TRIM68: variants seen among roughly 807,000 people sequenced by gnomAD.
TRIM68 encodes the protein E3 ubiquitin-protein ligase TRIM68.
Under a neutral mutation model 41.9 loss-of-function variants are expected in TRIM68, and 36 were observed. That is an observed-to-expected ratio of 0.86 (90% CI 0.66 to 1.14). The LOEUF is 1.14. Among genes scored for constraint, TRIM68 ranks in the 50% most tolerant of loss-of-function variants. TRIM68 has a pLI of 0.00. For synonymous variants in TRIM68, 225 were observed against 224.6 expected (o/e 1.00, Z -0.02); for missense variants, 632 against 605.1 (o/e 1.04, Z -0.47).
chr11:4,604,115 C>A (rs142000471), intron 2 of TRIM68, among the ~76,000 whole-genome samples: 550 of 152,260 alleles, frequency 3.6e-3, no homozygotes, highest in African/African-American at 0.013. Flanking sequence ...GCCCTTTACC[C>A]CTATGTTATA....
chr11:4,601,414 T>G, intron 5 of TRIM68: 1 of 593,528 alleles, frequency 1.7e-6, no homozygotes, highest in South Asian at 2.1e-5. Context: ...TCTTTTATCC[T>G]CTTTGAGCAA....
intron 1 of TRIM68, 93 bp from the exon 2 acceptor site, chr11:4,605,654 C>T (rs1182827933): frequency 1.2e-6 from 1 of 806,378 alleles, no homozygotes; most frequent in African/African-American, 1.7e-5. Context: ...GGGGGAAAAC[C>T]ACCTTCCTTT....
chr11:4,605,209 T>C lies in TRIM68; in HGVS notation c.296A>G (p.Glu99Gly), dbSNP rs367992113. ...PGMGLKGDLC[E>G]RHGEKLKMFC... Reference sequence around the variant, plus strand: ...CATCTTCAGCTTTTCCCCATGGCGCTCACACAGGTCACCCTTCAGCCCCAT... The same window carrying C: ...CATCTTCAGCTTTTCCCCATGGCGCCCACACAGGTCACCCTTCAGCCCCAT... Residue 99 changes from glutamate (E) to glycine (G), a missense_variant, in exon 2 of 7, where the codon GAG (glutamate) becomes GGG (glycine). Glu to Gly is a moderately conservative substitution (Grantham distance 98). Coordinates refer to ENST00000300747, the MANE Select transcript of TRIM68 (RefSeq NM_018073.8). 6.2e-7 allele frequency: 1 copy of C among 1,614,118 alleles called. No individual in the cohort carries two copies.
Position 4,605,315 on chromosome 11 carries a change from C to A in TRIM68, c.190G>T (p.Val64Phe). The part of the protein sequence containing the change: ...GYTCPLCRAP[V>F]QPRNLRPNWQ... Reference sequence around the variant, plus strand: ...TTAGGCCGCAGGTTCCTTGGCTGGACAGGAGCTCGACAGAGGGGACAGGTG... The same window carrying A: ...TTAGGCCGCAGGTTCCTTGGCTGGAAAGGAGCTCGACAGAGGGGACAGGTG... The change falls in exon 2 of 7, where the codon GTC (valine) becomes TTC (phenylalanine). Residue 64 changes from valine to phenylalanine, a missense_variant. By Grantham distance (50) the Val-to-Phe change is conservative. Transcript: ENST00000300747. The A allele has an allele frequency of 6.2e-7, 1 of 1,614,246 alleles. No homozygotes were observed. Among genetic ancestry groups the A allele is most frequent in the Non-Finnish European group, 8.5e-7 (1 of 1,180,048 alleles).
rs368784450 is a variant in TRIM68, at chr11:4,602,151, C to T, written c.783+1G>A. ...GGTTACCAGGAAAACCTACTACTCA[C>T]CTGCAACATCCAGCGGACAGGCCTC... On this transcript the variant is annotated splice_donor_variant, in intron 4 of 6. Coordinates refer to ENST00000300747, the MANE Select transcript of TRIM68 (RefSeq NM_018073.8). LOFTEE classifies it high-confidence loss of function. The T allele has an allele frequency of 6.2e-7, 1 of 1,614,210 alleles. No individual in the cohort carries two copies. The highest frequency in any genetic ancestry group is 8.5e-7 in the Non-Finnish European group (1 of 1,180,046).
chr11:4,602,265 T>C lies in TRIM68; in HGVS notation c.670A>G (p.Met224Val), dbSNP rs762031067. The change falls in exon 4 of 7, where the codon ATG becomes GTG. Residue 224 changes from methionine (M) to valine (V), a missense_variant. Physicochemically the swap from Met to Val is conservative, Grantham distance 21. Transcript: ENST00000300747. ...CTATGGTTCAACTCCAGTTTCTGCA[T>C]GGTCTCCGCTGCCTCCCGCTGTAGG... is the stretch of plus-strand genomic sequence containing the variant. ...ASLQREAAET[M>V]QKLELNHSEL... The C allele has an allele frequency of 1.1e-5, 17 of 1,614,102 alleles. No individual in the cohort carries two copies. In the East Asian group the frequency reaches 2.5e-4, roughly 23 times the overall value.
intron 1 of TRIM68, among the ~76,000 whole-genome samples, chr11:4,606,715 T>C (rs1846575665): frequency 6.6e-6 from 1 of 152,248 alleles, no homozygotes. Context: ...GAGGCCATTA[T>C]TGTTCTCATT....
At position 4,600,228 on chromosome 11, in the gene TRIM68, G is replaced by A. The variant is rs375887655; in HGVS notation, c.*48C>T. ...AGTGGCTCGGTCCTCCAAGCCCCAT[G>A]GGGGCCAGGCCCAATTCCAAGCCTC... is the stretch of plus-strand genomic sequence containing the variant. On this transcript the variant is annotated 3_prime_UTR_variant, in exon 7 of 7. Coordinates refer to ENST00000300747, the MANE Select transcript of TRIM68 (RefSeq NM_018073.8). 373 of 1,508,554 alleles carry A rather than the reference G, an allele frequency of 2.5e-4. No individual in the cohort carries two copies. The highest frequency in any genetic ancestry group is 3.2e-4 in the Non-Finnish European group (357 of 1,128,164). 93.4% of individuals were successfully genotyped at this position (1,508,554 alleles called of 1,614,324 possible). A position where few individuals can be genotyped will look rare whatever the true frequency, so the allele number is the denominator to read the frequency against.
rs201876007 is a variant in TRIM68, at chr11:4,602,038, G to A, written c.783+114C>T. On this transcript the variant is annotated intron_variant, in intron 4 of 6. Transcript: ENST00000300747. ...TTAGCTGGGGAAACACAGGATCCAT[G>A]ACCAGCTGGCAGAGGGCTGGCAGTC... 30 of 1,464,018 alleles carry A rather than the reference G, an allele frequency of 2.0e-5. No individual in the cohort carries two copies. In the East Asian group the frequency reaches 6.4e-4, roughly 31 times the overall value. 90.7% of individuals were successfully genotyped at this position (1,464,018 alleles called of 1,614,324 possible).
chr11:4,605,932 A>G (rs1038158145), intron 1 of TRIM68, among the ~76,000 whole-genome samples: 2 of 152,210 alleles, frequency 1.3e-5, no homozygotes, highest in Admixed American at 6.5e-5. Context: ...GTGGTATTTC[A>G]GTATCTGAAG....
At chr11:4,604,681 A>T (rs1404073288) in intron 2 of TRIM68, among the ~76,000 whole-genome samples, 2 of 152,208 alleles carry the variant, frequency 1.3e-5, no homozygotes, top group African/African-American at 4.8e-5. Context: ...TTCAATGCCA[A>T]ATGACTACTT....
intron 1 of TRIM68, among the ~76,000 whole-genome samples, chr11:4,606,908 G>A (rs1475595914): frequency 6.6e-6 from 1 of 152,204 alleles, no homozygotes; most frequent in Non-Finnish European, 1.5e-5. Context: ...CATTGGCAGG[G>A]CATGCCTTCT....
At chr11:4,603,814 G>T (rs944687460) in intron 2 of TRIM68, among the ~76,000 whole-genome samples, 5 of 152,118 alleles carry the variant, frequency 3.3e-5, no homozygotes, top group African/African-American at 9.7e-5. Context: ...TGGTTCATAT[G>T]CTTATTAAGG....
rs1355206580 is a variant in TRIM68 at position 4,600,685 on chromosome 11, C to A, written c.1049G>T (p.Ser350Ile). ...RFYRYNIVLGSQCISSGRHYW... is the reference protein window; with the variant it reads ...RFYRYNIVLGIQCISSGRHYW... ...GTGCCGGCCTGAGGAGATGCACTGG[C>A]TTCCCAGGACGATATTATAGCGGTA... The change falls in exon 7 of 7, where the codon AGC (serine) becomes ATC (isoleucine). Residue 350 changes from serine (S) to isoleucine (I), a missense_variant. Coordinates refer to ENST00000300747, the MANE Select transcript of TRIM68 (RefSeq NM_018073.8). 6.2e-7 allele frequency: 1 copy of A among 1,614,184 alleles called. No individual in the cohort carries two copies. Among genetic ancestry groups the A allele is most frequent in the East Asian group, 2.2e-5 (1 of 44,874 alleles).
chr11:4,602,021 G>A, intron 4 of TRIM68, 131 bp downstream of exon 4: 1 of 1,345,682 alleles, frequency 7.4e-7, no homozygotes, highest in East Asian at 2.3e-5. Flanking sequence ...TATTAGCTGG[G>A]GAAACACAGG....
chr11:4,601,284 T>G, intron 5 of TRIM68, 157 bp from the exon 6 acceptor site: 2 of 660,950 alleles, frequency 3.0e-6, no homozygotes, highest in Non-Finnish European at 5.4e-6. Flanking sequence ...TCAAGCTGTT[T>G]GTGTGCAGAG....
At chr11:4,602,768 T>C (rs1306318286) in intron 3 of TRIM68, among the ~76,000 whole-genome samples, 4 of 152,254 alleles carry the variant, frequency 2.6e-5, no homozygotes, top group African/African-American at 7.2e-5. Context: ...GTTGATATTA[T>C]ATCTGTTCAA....
Position 4,602,374 on chromosome 11 carries a change from C to T in TRIM68, c.561G>A (p.Glu187=), listed in dbSNP as rs1436097078. ...CTAGTAATCGCTGGTATTTTTCAAA[C>T]TCCCATACAATACTCTGTTTTCGGG... ...VETRKQSIVW[E]FEKYQRLLEK... is the part of the protein sequence containing the mutation. The change falls in exon 4 of 7, where the codon GAG becomes GAA. Residue 187 remains glutamate (E), a synonymous_variant. Coordinates refer to ENST00000300747, the MANE Select transcript of TRIM68 (RefSeq NM_018073.8). 1 of 1,614,042 alleles carries T rather than the reference C, an allele frequency of 6.2e-7. No individual in the cohort carries two copies. Among genetic ancestry groups the T allele is most frequent in the Non-Finnish European group, 8.5e-7 (1 of 1,180,026 alleles).
rs1330266695 is a variant in TRIM68, at chr11:4,602,177, T to G, written c.758A>C (p.Gln253Pro). The change falls in exon 4 of 7, where the codon CAG (glutamine) becomes CCG (proline). Residue 253 changes from glutamine to proline, a missense_variant. Transcript: ENST00000300747. ...RMIAELKERS[Q>P]RPVRWMLQDI... ...CTGCAACATCCAGCGGACAGGCCTC[T>G]GCGACCTCTCTTTCAACTCTGCAAT... 1.2e-6 allele frequency: 2 copies of G among 1,614,198 alleles called. No homozygotes were observed. Among genetic ancestry groups the G allele is most frequent in the South Asian group, 2.2e-5 (2 of 91,086 alleles).
Sources: gnomAD v4.1 joint callset for allele counts (sites outside exome capture counted in the v4.1 genomes callset) on GRCh38, gnomAD v4.1.1 for gene constraint, MANE v1.5 for transcripts, NCBI Gene and HGNC (gene_info 2026-07-23, HGNC 2026-07-21) for gene names.